The following FRMPD4 variants were observed in gnomAD, a reference collection of about 807,000 sequenced individuals.
FRMPD4 encodes the protein FERM and PDZ domain-containing protein 4.
A neutral mutation model predicts 94.1 loss-of-function variants in FRMPD4; 22 were observed. The observed-to-expected ratio is 0.23, with a 90% CI of 0.17 to 0.33. FRMPD4 has a LOEUF of 0.33. FRMPD4 is among the 10% of genes least tolerant of loss of function. The pLI is 1.00. For missense variants in FRMPD4, 1,111 were observed against 1,339.9 expected, an observed-to-expected ratio of 0.83 and a Z score of 2.67; for synonymous variants, 631 against 548.6, an observed-to-expected ratio of 1.15 and a Z score of -2.10.
At chrX:12,101,774 G>GA (rs1220543639) in intron 3 of FRMPD4, among the ~76,000 whole-genome samples, 8 of 111,482 alleles carry the variant, frequency 7.2e-5, no homozygotes, top group Non-Finnish European at 1.5e-4. Context: ...ATGAAGAAAG[G>GA]AAAAAATCAC....
chrX:12,488,672 G>GA (rs1602015740), intron 1 of FRMPD4, among the ~76,000 whole-genome samples: 2 of 110,269 alleles, frequency 1.8e-5, no homozygotes, highest in African/African-American at 6.6e-5. Context: ...TTACTTCAGT[G>GA]AAAAAAAAGT....
intron 3 of FRMPD4, among the ~76,000 whole-genome samples, chrX:12,038,593 T>C (rs960737690): frequency 8.9e-6 from 1 of 112,123 alleles, no homozygotes; most frequent in African/African-American, 3.2e-5. Context: ...AATAAATCAG[T>C]AGCTAACTTA....
chrX:11,915,826 G>A (rs1659982794), intron 3 of FRMPD4, among the ~76,000 whole-genome samples: 1 of 111,903 alleles, frequency 8.9e-6, no homozygotes, highest in South Asian at 3.7e-4. Flanking sequence ...TTTCTTGGGA[G>A]CCCCATGCCT....
Position 12,356,134 on chromosome X carries a change from C to G in FRMPD4, c.42-142546C>G, listed in dbSNP as rs777532142. Among the ~76,000 whole-genome samples, 5 of 111,317 alleles carry G rather than the reference C, an allele frequency of 4.5e-5. No individual in the cohort carries two copies. The Admixed American group carries it at 4.8e-4, about 11-fold the overall frequency. ...TCAGAGTGTTAATCTTCCTCACATT[C>G]GGAAAACGAAGGGCCTCAGAGAAAG... On this transcript the variant is annotated intron_variant, in intron 1 of 16. Coordinates refer to ENST00000675598, the MANE Select transcript of FRMPD4 (RefSeq NM_001368397.1).
chrX:12,388,981 G>A lies in FRMPD4; in HGVS notation c.42-109699G>A, dbSNP rs749342246. Reference sequence around the variant, plus strand: ...TACAGCAAGACAAATACCACATGTTGTCACTTACGTGTGGAATCTAAAACA... The same window carrying A: ...TACAGCAAGACAAATACCACATGTTATCACTTACGTGTGGAATCTAAAACA... On this transcript the variant is annotated intron_variant, in intron 1 of 16. Coordinates refer to ENST00000675598, the MANE Select transcript of FRMPD4 (RefSeq NM_001368397.1). Among the ~76,000 whole-genome samples the A allele has an allele frequency of 1.3e-4, 14 of 107,734 alleles. No individual in the cohort carries two copies. In the South Asian group the frequency reaches 4.5e-3, roughly 35 times the overall value. The allele number at this position is 107,734 out of a possible 115,157, so 93.6% of individuals were successfully genotyped here.
intron 2 of FRMPD4, among the ~76,000 whole-genome samples, chrX:12,581,089 A>C (rs993108652): frequency 8.9e-6 from 1 of 112,752 alleles, no homozygotes; most frequent in African/African-American, 3.2e-5. Flanking sequence ...GTGTGCAAGC[A>C]AGCTAGAAGC....
intron 4 of FRMPD4, among the ~76,000 whole-genome samples, chrX:12,672,506 T>C (rs1231604770): frequency 1.8e-5 from 2 of 112,452 alleles, no homozygotes; most frequent in South Asian, 3.7e-4. Flanking sequence ...ATGTGCTGCT[T>C]CTGACAGCCT....
intron 1 of FRMPD4, among the ~76,000 whole-genome samples, chrX:12,435,055 GC>G (rs969762338): frequency 6.3e-5 from 7 of 111,394 alleles, no homozygotes; most frequent in African/African-American, 2.0e-4. Flanking sequence ...AGTTATTCAG[GC>G]CTTTTATTTC....
At chrX:12,050,321 T>G (rs2054809665) in intron 3 of FRMPD4, among the ~76,000 whole-genome samples, 1 of 111,811 alleles carries the variant, frequency 8.9e-6, no homozygotes, top group Admixed American at 9.5e-5. Context: ...GTTAAATATG[T>G]TTAGATACAC....
chrX:12,707,588 G>A lies in FRMPD4; in HGVS notation c.1407G>A (p.Arg469=). Residue 469 remains arginine (R), a synonymous_variant, in exon 13 of 17, where the codon AGG becomes AGA. Coordinates refer to ENST00000675598, the MANE Select transcript of FRMPD4 (RefSeq NM_001368397.1). ...TAGCCGACTTTAGCCACGTCAACAG[G>A]ATCGAAATGTTTTCCGAGGAGGAGA... ...ALLADFSHVN[R]IEMFSEEESL... 1.7e-6 allele frequency: 2 copies of A among 1,210,863 alleles called. No individual in the cohort carries two copies. The highest frequency in any genetic ancestry group is 2.2e-6 in the Non-Finnish European group (2 of 894,782).
intron 11 of FRMPD4, among the ~76,000 whole-genome samples, chrX:12,704,875 G>T (rs1360628744): frequency 1.8e-5 from 2 of 112,210 alleles, no homozygotes; most frequent in East Asian, 2.8e-4. Context: ...GGCCCTGCAG[G>T]CCAGAGGCCA....
At chrX:12,090,899 G>C (rs748727303) in intron 3 of FRMPD4, among the ~76,000 whole-genome samples, 2 of 112,355 alleles carry the variant, frequency 1.8e-5, no homozygotes, top group African/African-American at 6.5e-5. Flanking sequence ...GGAGGAGAGA[G>C]ACTAATTAGT....
chrX:12,292,970 A>ATT (rs57824346), intron 1 of FRMPD4, among the ~76,000 whole-genome samples: 2 of 102,888 alleles, frequency 1.9e-5, no homozygotes, highest in African/African-American at 7.1e-5. Flanking sequence ...TAGAATATGG[A>ATT]TTTTTTTTTT....
chrX:12,665,252 C>T (rs916434980), intron 4 of FRMPD4, among the ~76,000 whole-genome samples: 32 of 111,207 alleles, frequency 2.9e-4, no homozygotes, highest in Admixed American at 2.1e-3. Flanking sequence ...ACCATCCTGG[C>T]TAACACGAAG....
chrX:12,550,459 CTATT>C (rs2058522132), intron 2 of FRMPD4, among the ~76,000 whole-genome samples: 1 of 110,978 alleles, frequency 9.0e-6, no homozygotes, highest in African/African-American at 3.3e-5. Context: ...ATCATGATAT[CTATT>C]TATTTTTCCC....
At position 12,139,001 on chromosome X, in the gene FRMPD4, A is replaced by G; in HGVS notation, c.30A>G (p.Ala10=). The change falls in exon 1 of 17, where the codon GCA becomes GCG. Residue 10 remains alanine, a synonymous_variant. Coordinates refer to ENST00000675598, the MANE Select transcript of FRMPD4 (RefSeq NM_001368397.1). MDVFSFVKI[A]KLSSHRTKSS... ...ATGTCTTCAGCTTTGTGAAGATTGC[A>G]AAGCTTTCGAGGTAGGGGCTGCGCG... 2 of 1,168,660 alleles carry G rather than the reference A, an allele frequency of 1.7e-6. No homozygotes were observed. The highest frequency in any genetic ancestry group is 2.3e-6 in the Non-Finnish European group (2 of 873,253).
intron 1 of FRMPD4, among the ~76,000 whole-genome samples, chrX:12,460,065 G>C (rs2057376337): frequency 8.9e-6 from 1 of 111,826 alleles, no homozygotes; most frequent in African/African-American, 3.2e-5. Context: ...CATCTTTAAT[G>C]TGTATATGAA....
At chrX:11,856,501 A>G (rs2053654576) in intron 1 of FRMPD4, among the ~76,000 whole-genome samples, 1 of 110,255 alleles carries the variant, frequency 9.1e-6, no homozygotes, top group Non-Finnish European at 1.9e-5. Flanking sequence ...ATAAAATTCA[A>G]CATCCATTAA....
chrX:12,392,937 ACC>A (rs940081098), intron 1 of FRMPD4, among the ~76,000 whole-genome samples: 1 of 112,268 alleles, frequency 8.9e-6, no homozygotes, highest in African/African-American at 3.2e-5. Context: ...ACTGCACTCC[ACC>A]CTGGGTGACA....
Sources: allele counts gnomAD v4.1 joint callset (sites outside exome capture counted in the v4.1 genomes callset), GRCh38; gene constraint gnomAD v4.1.1; transcripts MANE v1.5; gene names NCBI Gene and HGNC (gene_info 2026-07-23, HGNC 2026-07-21).